The following MROH2A variants were observed in gnomAD, a reference collection of about 807,000 sequenced individuals.
MROH2A encodes maestro heat-like repeat-containing protein family member 2A.
MROH2A carries 174 observed loss-of-function variants against 200.4 expected under a neutral mutation model. The observed-to-expected ratio is 0.87, with a 90% confidence interval of 0.77 to 0.98. The LOEUF (loss-of-function observed/expected upper bound fraction) is 0.98. Ranked by LOEUF, MROH2A falls within the 50% of genes least tolerant of loss-of-function variation. MROH2A has a pLI of 0.00. For missense variants in MROH2A, 2,045 were observed against 2,139.6 expected (o/e 0.96, Z 0.87); for synonymous variants, 829 against 840.4 (o/e 0.99, Z 0.23).
At chr2:233,823,773 G>T (rs1422631013) in intron 35 of MROH2A, 109 bp downstream of exon 35, 1 of 1,382,142 alleles carries the variant, frequency 7.2e-7, no homozygotes, top group Non-Finnish European at 9.8e-7. Flanking sequence ...GGGGACAGGC[G>T]AGCGCCCCTC....
At position 233,795,591 on chromosome 2, in the gene MROH2A, G is replaced by A. The variant is rs1179330984; in HGVS notation, c.967-62G>A. 6 of 1,550,450 alleles carry A rather than the reference G, an allele frequency of 3.9e-6. No individual in the cohort carries two copies. In the African/African-American group the frequency reaches 6.8e-5, roughly 18 times the overall value. On this transcript the variant is annotated intron_variant, in intron 8 of 41. Transcript: ENST00000389758. ...GTCAGTGGGCCCCTGAGTAGCGAGG[G>A]TCTAGAGTTTGACCTTGAGTTGGTA...
intron 26 of MROH2A, among the ~76,000 whole-genome samples, 161 bp downstream of exon 26, chr2:233,814,838 C>T (rs1414059868): frequency 5.9e-5 from 9 of 152,198 alleles, no homozygotes; most frequent in Non-Finnish European, 1.3e-4. Flanking sequence ...AAGGATAGTG[C>T]AAAGATACTC....
chr2:233,814,757 A>G lies in MROH2A; in HGVS notation c.2856+80A>G. The stretch of plus-strand genomic sequence containing the variant: ...TGGACTGAGGGCCAGACTCTGGGGA[A>G]CAGGGGAGTGCATGCAACATTGTTT... On this transcript the variant is annotated intron_variant, in intron 26 of 41. Transcript: ENST00000389758. 3.3e-6 allele frequency: 3 copies of G among 899,120 alleles called. No individual in the cohort carries two copies. The South Asian group carries it at 4.8e-5, about 14-fold the overall frequency. 55.7% of individuals were successfully genotyped at this position (899,120 alleles called of 1,614,324 possible). A position where few individuals can be genotyped will look rare whatever the true frequency, so the allele number is the denominator to read the frequency against.
upstream of MROH2A, among the ~76,000 whole-genome samples, chr2:233,776,112 T>G (rs1379796846): frequency 2.0e-5 from 3 of 152,236 alleles, no homozygotes; most frequent in Non-Finnish European, 2.9e-5. Flanking sequence ...CATAGCAGTA[T>G]GAAAATGGAC....
rs61609563 is a variant in MROH2A at position 233,807,148 on chromosome 2, T to TTATATA, written c.2053-266_2053-261dup. Among the ~76,000 whole-genome samples, 5 of 150,162 alleles carry TTATATA rather than the reference T, an allele frequency of 3.3e-5. No homozygotes were observed. Among genetic ancestry groups the TTATATA allele is most frequent in the African/African-American group, 1.2e-4 (5 of 40,734 alleles). On this transcript the variant is annotated intron_variant, in intron 19 of 41. Transcript: ENST00000389758. This position sits in a 1 kb window ranked among gnomAD's most constrained non-coding sequence, Gnocchi z 4.3. ...TTTTTTGTGGCTGAGTAGTATTCCA[T>TTATATA]TATATATATATATAATATGAACTGA...
In MROH2A at chr2:233,786,742, A is replaced by T. The variant is rs181137577; in HGVS notation, c.277-2755A>T. Among the ~76,000 whole-genome samples, 331 of 152,318 alleles carry T rather than the reference A, an allele frequency of 2.2e-3. 1 individual carries two copies. The highest frequency in any genetic ancestry group is 8.8e-4 in the Non-Finnish European group (60 of 68,022). On this transcript the variant is annotated intron_variant, in intron 3 of 41. Transcript: ENST00000389758. ...TGAAGAAAATAAGAAACCATGATTA[A>T]CACACAGGTCTTAATCAGTCATCAG...
rs28900689 is a variant in MROH2A at position 233,820,276 on chromosome 2, A to G, written c.3512+220A>G. Reference sequence around the variant, plus strand: ...TAGAACTTCGCCACATGGAGCTGGAATCTGGACCCGTAGCTCCCCACATGC... The same window carrying G: ...TAGAACTTCGCCACATGGAGCTGGAGTCTGGACCCGTAGCTCCCCACATGC... On this transcript the variant is annotated intron_variant, in intron 31 of 41. Coordinates refer to ENST00000389758, the MANE Select transcript of MROH2A (RefSeq NM_001394639.1). The surrounding 1 kb of genome is among the most constrained non-coding windows in gnomAD (Gnocchi z 4.1). 4.0e-3 allele frequency among the ~76,000 whole-genome samples: 615 copies of G among 152,052 alleles called. 4 individuals carry two copies. Among genetic ancestry groups the G allele is most frequent in the Middle Eastern group, 0.024 (7 of 294 alleles).
At position 233,779,837 on chromosome 2, in the gene MROH2A, C is replaced by T. The variant is rs1300030794; in HGVS notation, c.261C>T (p.Cys87=). 3 of 1,549,726 alleles carry T rather than the reference C, an allele frequency of 1.9e-6. No individual in the cohort carries two copies. The highest frequency in any genetic ancestry group is 2.0e-5 in the Admixed American group (1 of 50,950). Residue 87 remains cysteine, a synonymous_variant, in exon 3 of 42, where the codon TGC becomes TGT. Coordinates refer to ENST00000389758, the MANE Select transcript of MROH2A (RefSeq NM_001394639.1). ...PSVVINTLIR[C]LQVPEISTQR... ...TAGTGATAAACACTCTCATCCGCTGCCTGCAGGTGCCAGAGGTAGGGCCAT... is the reference window on the plus strand; with the variant it reads ...TAGTGATAAACACTCTCATCCGCTGTCTGCAGGTGCCAGAGGTAGGGCCAT...
intron 3 of MROH2A, among the ~76,000 whole-genome samples, chr2:233,788,261 GAGT>G (rs1252608735): frequency 4.4e-5 from 2 of 45,432 alleles, no homozygotes; most frequent in African/African-American, 1.1e-4. Flanking sequence ...ATGTCCTTGG[GAGT>G]AATAATAATA....
chr2:233,815,864 T>G lies in MROH2A; in HGVS notation c.2857-917T>G, dbSNP rs28948393. 0.018 allele frequency among the ~76,000 whole-genome samples: 1,916 copies of G among 108,952 alleles called. 117 individuals carry two copies. In the East Asian group the frequency reaches 0.21, roughly 12 times the overall value. 71.5% of individuals were successfully genotyped at this position (108,952 alleles called of 152,430 possible). On this transcript the variant is annotated intron_variant, in intron 26 of 41. Transcript: ENST00000389758. The stretch of plus-strand genomic sequence containing the variant: ...ATTTTGCTTTTTTTTTTTTTTTTTT[T>G]GCTGCATCTCACAGATCCTGATACG...
Position 233,818,105 on chromosome 2 carries a change from C to G in MROH2A, c.3065C>G (p.Ser1022Cys), listed in dbSNP as rs752951251. 8 of 1,550,674 alleles carry G rather than the reference C, an allele frequency of 5.2e-6. No homozygotes were observed. In the Admixed American group the frequency reaches 1.2e-4, roughly 23 times the overall value. ...CGCATGGCCTCAATGAATGTCCTGTCCAGCCTGCTAGATCTTCACGGTATG... is the reference window on the plus strand; with the variant it reads ...CGCATGGCCTCAATGAATGTCCTGTGCAGCCTGCTAGATCTTCACGGTATG... ...RTRMASMNVL[S>C]SLLDLHASQT... is the part of the protein sequence containing the mutation. The change falls in exon 28 of 42, where the codon TCC (serine) becomes TGC (cysteine). Residue 1022 changes from serine to cysteine, a missense_variant. Transcript: ENST00000389758.
chr2:233,789,659 C>T (rs1330342428), intron 4 of MROH2A, 31 bp downstream of exon 4: 2 of 1,448,140 alleles, frequency 1.4e-6, no homozygotes, highest in African/African-American at 2.9e-5. Context: ...GGTGCCTTCC[C>T]TCTGCCAGCC....
chr2:233,825,440 AT>A (rs1477399213), intron 35 of MROH2A, among the ~76,000 whole-genome samples: 1 of 152,162 alleles, frequency 6.6e-6, no homozygotes, highest in Admixed American at 6.5e-5. Flanking sequence ...CCCATTCAGT[AT>A]GATATTGGTT....
intron 35 of MROH2A, among the ~76,000 whole-genome samples, chr2:233,826,730 A>C (rs1273664241): frequency 6.6e-6 from 1 of 152,236 alleles, no homozygotes; most frequent in African/African-American, 2.4e-5. Context: ...TTGGGATCTA[A>C]TTAAACTAAG....
At chr2:233,813,541 G>A (rs1703315518) in intron 24 of MROH2A, 129 bp from the exon 25 acceptor site, 8 of 615,030 alleles carry the variant, frequency 1.3e-5, no homozygotes, top group Non-Finnish European at 2.3e-5. Flanking sequence ...ATGCTTGCCA[G>A]AGCCTCCAAC....
At chr2:233,831,743 CA>C (rs1328308133) in intron 39 of MROH2A, among the ~76,000 whole-genome samples, 38 of 152,228 alleles carry the variant, frequency 2.5e-4, no homozygotes, top group African/African-American at 8.9e-4. Flanking sequence ...TTAGTAGGCA[CA>C]TCCAGAAAAG....
chr2:233,811,036 C>T (rs1057060714), intron 23 of MROH2A, 120 bp downstream of exon 23: 2 of 1,129,588 alleles, frequency 1.8e-6, no homozygotes, highest in South Asian at 3.2e-5. Context: ...CCTTCCCTGT[C>T]TTGGCTCTGC....
At chr2:233,809,050 G>T (rs530314504) in intron 21 of MROH2A, 76 bp from the exon 22 acceptor site, 92 of 1,470,382 alleles carry the variant, frequency 6.3e-5, no homozygotes, top group Non-Finnish European at 8.2e-5. Context: ...CTTTGGTTGT[G>T]TGGCCAGAGA....
intron 23 of MROH2A, among the ~76,000 whole-genome samples, chr2:233,811,165 C>T (rs1438794002): frequency 6.6e-6 from 1 of 152,180 alleles, no homozygotes; most frequent in Non-Finnish European, 1.5e-5. Context: ...CCTGCAGTGC[C>T]CAGGGCAGCT....
Sources: allele counts gnomAD v4.1 joint callset (sites outside exome capture counted in the v4.1 genomes callset), GRCh38; gene constraint gnomAD v4.1.1; non-coding constraint Gnocchi (gnomAD v3.1); transcripts MANE v1.5; gene names NCBI Gene and HGNC (gene_info 2026-07-23, HGNC 2026-07-21).